ABCB7: variants seen among roughly 807,000 people sequenced by gnomAD.
ABCB7 encodes iron-sulfur clusters transporter ABCB7, mitochondrial.
A neutral mutation model predicts 54.4 loss-of-function variants in ABCB7; 7 were observed. The observed-to-expected ratio is 0.13, with a 90% CI of 0.07 to 0.24. ABCB7 has a LOEUF of 0.24. ABCB7 is among the 10% of genes least tolerant of loss of function. ABCB7 has a pLI of 1.00. For synonymous variants in ABCB7, 218 were observed against 207.1 expected (o/e 1.05, Z -0.45); for missense variants, 356 against 570.4 (o/e 0.62, Z 3.83).
At chrX:75,140,285 G>A (rs1346558210) in intron 1 of ABCB7, among the ~76,000 whole-genome samples, 2 of 110,790 alleles carry the variant, frequency 1.8e-5, no homozygotes, top group Non-Finnish European at 3.8e-5. Context: ...GGTGTGTGAA[G>A]CTGAGTGTGG....
chrX:75,127,575 G>T (rs1448009418), intron 1 of ABCB7, among the ~76,000 whole-genome samples: 1 of 111,676 alleles, frequency 9.0e-6, no homozygotes, highest in African/African-American at 3.3e-5. Flanking sequence ...TCAGGCAAGA[G>T]AAAGAAACAA....
rs750841532 is a variant in ABCB7, at chrX:75,156,229, G to A, written c.44C>T (p.Ala15Val). 6.6e-6 allele frequency: 8 copies of A among 1,204,981 alleles called. No individual in the cohort carries two copies. Among genetic ancestry groups the A allele is most frequent in the Non-Finnish European group, 9.0e-6 (8 of 892,352 alleles). Residue 15 changes from alanine to valine, a missense_variant, in exon 1 of 16, where the codon GCG becomes GTG. Ala to Val is a moderately conservative substitution (Grantham distance 64). This residue lies in a region of ABCB7 where 115 missense variants were observed against 99.5 expected (regional missense o/e 1.16). Transcript: ENST00000373394. ...GTGCCGGCGCTTTTCGAAAGCAGCC[G>A]CCGCGGCCGCCCAGCGCCAAGAATG... ...AMHSWRWAAA[A>V]AAFEKRRHSA...
Position 75,076,421 on chromosome X carries a change from C to T in ABCB7, c.586+101G>A, listed in dbSNP as rs2081409421. ...CACATAAAACAACAAACATCCAAAA[C>T]GCTAAGTTGTGTTTGTAGTGAAAAG... On this transcript the variant is annotated intron_variant, in intron 5 of 15. Transcript: ENST00000373394. 5.9e-6 allele frequency: 6 copies of T among 1,024,610 alleles called. No homozygotes were observed. The Middle Eastern group carries it at 7.7e-4, about 132-fold the overall frequency. The allele number at this position is 1,024,610 out of a possible 1,213,427, so 84.4% of individuals were successfully genotyped here. A position where few individuals can be genotyped will look rare whatever the true frequency, so the allele number is the denominator to read the frequency against.
At chrX:75,142,166 A>G (rs2082058695) in intron 1 of ABCB7, among the ~76,000 whole-genome samples, 1 of 111,491 alleles carries the variant, frequency 9.0e-6, no homozygotes, top group Admixed American at 9.5e-5. Context: ...AGGAACCCCT[A>G]TAGATACCAC....
rs1395777495 is a variant in ABCB7 at position 75,125,646 on chromosome X, T to C, written c.169-10815A>G. 2.7e-5 allele frequency among the ~76,000 whole-genome samples: 3 copies of C among 111,028 alleles called. No individual in the cohort carries two copies. In the Admixed American group the frequency reaches 2.9e-4, roughly 11 times the overall value. On this transcript the variant is annotated intron_variant, in intron 1 of 15. Coordinates refer to ENST00000373394, the MANE Select transcript of ABCB7 (RefSeq NM_001271696.3). ...TCTGCCTGTTTTTAAATTCTTAGTT[T>C]AATACTGCTACGGGCACTCAAGCCT...
intron 3 of ABCB7, among the ~76,000 whole-genome samples, chrX:75,108,671 T>G (rs1412859422): frequency 1.8e-5 from 2 of 110,418 alleles, no homozygotes; most frequent in African/African-American, 3.3e-5. Flanking sequence ...TTATTTACTT[T>G]TTTTTCAGAA....
intron 1 of ABCB7, among the ~76,000 whole-genome samples, chrX:75,129,862 T>C (rs900401142): frequency 9.0e-6 from 1 of 111,404 alleles, no homozygotes; most frequent in Non-Finnish European, 1.9e-5. Context: ...CAACAGTGGC[T>C]ACCACTCACT....
At chrX:75,072,430 A>G (rs2081370160) in intron 8 of ABCB7, among the ~76,000 whole-genome samples, 2 of 112,156 alleles carry the variant, frequency 1.8e-5, no homozygotes, top group South Asian at 7.3e-4. Flanking sequence ...CCACTCACCT[A>G]GACTATATGG....
Position 75,055,858 on chromosome X carries a change from A to ATT in ABCB7, c.2044-2275_2044-2274dup, listed in dbSNP as rs565778123. Among the ~76,000 whole-genome samples the ATT allele has an allele frequency of 5.2e-3, 548 of 104,561 alleles. 6 individuals carry two copies. Among genetic ancestry groups the ATT allele is most frequent in the African/African-American group, 0.018 (525 of 28,949 alleles). The allele number at this position is 104,561 out of a possible 115,157, so 90.8% of individuals were successfully genotyped here. A position where few individuals can be genotyped will look rare whatever the true frequency, so the allele number is the denominator to read the frequency against. ...TTTCTGATTATTAGATTCAGGCTAA[A>ATT]TTTTTTTTTTTTGAGATAGACTCTT... is the stretch of plus-strand genomic sequence containing the variant. On this transcript the variant is annotated intron_variant, in intron 15 of 15. Coordinates refer to ENST00000373394, the MANE Select transcript of ABCB7 (RefSeq NM_001271696.3).
At chrX:75,139,404 C>T (rs751092710) in intron 1 of ABCB7, among the ~76,000 whole-genome samples, 1 of 111,873 alleles carries the variant, frequency 8.9e-6, no homozygotes, top group African/African-American at 3.2e-5. Flanking sequence ...CTTCTCCCTT[C>T]TTCTTTCTCT....
intron 8 of ABCB7, among the ~76,000 whole-genome samples, chrX:75,072,262 T>G (rs183255282): frequency 1.8e-5 from 2 of 111,929 alleles, no homozygotes; most frequent in African/African-American, 6.5e-5. Context: ...TATGCCAGTT[T>G]GATTAGCTTA....
At chrX:75,137,550 A>T (rs1419843633) in intron 1 of ABCB7, among the ~76,000 whole-genome samples, 1 of 112,429 alleles carries the variant, frequency 8.9e-6, no homozygotes, top group Non-Finnish European at 1.9e-5. Context: ...AAGGAATATA[A>T]ATCCTTCTAC....
Position 75,076,661 on chromosome X carries a change from A to G in ABCB7, c.454-7T>C. 1 of 1,203,870 alleles carries G rather than the reference A, an allele frequency of 8.3e-7. No individual in the cohort carries two copies. Among genetic ancestry groups the G allele is most frequent in the Non-Finnish European group, 1.1e-6 (1 of 889,070 alleles). Reference sequence around the variant, plus strand: ...GAACCACAATATTCATGGCCTAAAAACATAAAAACATCAATTACCCATTAT... The same window carrying G: ...GAACCACAATATTCATGGCCTAAAAGCATAAAAACATCAATTACCCATTAT... On this transcript the variant is annotated splice_polypyrimidine_tract_variant and splice_region_variant and intron_variant, in intron 4 of 15. Transcript: ENST00000373394.
chrX:75,097,576 A>T (rs1328817551), intron 4 of ABCB7: 3 of 111,590 alleles, frequency 2.7e-5, no homozygotes, highest in Non-Finnish European at 3.8e-5. Flanking sequence ...TAAGTTCTCA[A>T]TTAATATTTT....
chrX:75,089,571 GA>G (rs1483387832), intron 4 of ABCB7, among the ~76,000 whole-genome samples: 3 of 109,570 alleles, frequency 2.7e-5, no homozygotes, highest in African/African-American at 9.9e-5. Flanking sequence ...TAAATGATTA[GA>G]AAAAACAAAA....
intron 1 of ABCB7, among the ~76,000 whole-genome samples, chrX:75,136,286 C>T (rs761280423): frequency 4.5e-5 from 5 of 111,145 alleles, no homozygotes; most frequent in Non-Finnish European, 7.5e-5. Context: ...ATACAGCTAA[C>T]TAGGGATGTG....
In ABCB7 at chrX:75,121,161, T is replaced by C. The variant is rs184147555; in HGVS notation, c.169-6330A>G. Among the ~76,000 whole-genome samples the C allele has an allele frequency of 5.4e-4, 59 of 109,317 alleles. 1 individual carries two copies. In the East Asian group the frequency reaches 0.017, roughly 31 times the overall value. The allele number at this position is 109,317 out of a possible 115,157, so 94.9% of individuals were successfully genotyped here. A position where few individuals can be genotyped will look rare whatever the true frequency, so the allele number is the denominator to read the frequency against. The stretch of plus-strand genomic sequence containing the variant: ...AAAATTAGCCAGGTATGGTGGCATG[T>C]GCCTGTAATCCCAGCTACTCTGGTG... On this transcript the variant is annotated intron_variant, in intron 1 of 15. Coordinates refer to ENST00000373394, the MANE Select transcript of ABCB7 (RefSeq NM_001271696.3).
At chrX:75,082,577 T>C (rs1259898942) in intron 4 of ABCB7, among the ~76,000 whole-genome samples, 1 of 111,852 alleles carries the variant, frequency 8.9e-6, no homozygotes, top group East Asian at 2.8e-4. Context: ...TGTTTGATGG[T>C]TAAAAGCAAA....
intron 4 of ABCB7, among the ~76,000 whole-genome samples, chrX:75,088,130 G>A (rs1262024408): frequency 3.6e-5 from 4 of 111,766 alleles, no homozygotes; most frequent in East Asian, 2.8e-4. Flanking sequence ...TCTAGCCCCC[G>A]TTTAGCAGGT....
Sources: allele counts gnomAD v4.1 joint callset (sites outside exome capture counted in the v4.1 genomes callset), GRCh38; gene constraint gnomAD v4.1.1; regional missense constraint gnomAD v4.1.1; transcripts MANE v1.5; gene names NCBI Gene and HGNC (gene_info 2026-07-23, HGNC 2026-07-21).